The following CASK variants were observed in gnomAD, a reference collection of about 807,000 sequenced individuals.
CASK encodes peripheral plasma membrane protein CASK.
In CASK, 4 loss-of-function variants were observed where a neutral mutation model predicts 82.9. The ratio of observed to expected loss-of-function variants is 0.05; its 90% CI spans 0.02 to 0.11. The LOEUF (loss-of-function observed/expected upper bound fraction) is 0.11. Among genes scored for constraint, CASK ranks in the 10% least tolerant of loss-of-function variants. The pLI, the probability that CASK is intolerant of heterozygous loss-of-function variation, is 1.00. For synonymous variants in CASK, 259 were observed against 253.5 expected, an observed-to-expected ratio of 1.02 and a Z score of -0.20; for missense variants, 358 against 720.9, an observed-to-expected ratio of 0.50 and a Z score of 5.76.
chrX:41,744,129 C>CAA (rs79706632), intron 4 of CASK, among the ~76,000 whole-genome samples: 2 of 91,867 alleles, frequency 2.2e-5, no homozygotes, highest in African/African-American at 4.0e-5. Flanking sequence ...GCACCCCCCG[C>CAA]AAAAAAAAAA....
chrX:41,833,511 G>T (rs1295868621), intron 2 of CASK, among the ~76,000 whole-genome samples: 1 of 111,054 alleles, frequency 9.0e-6, no homozygotes, highest in Non-Finnish European at 1.9e-5. Context: ...TCTATGAAAA[G>T]GTATAGGGTT....
intron 5 of CASK, among the ~76,000 whole-genome samples, chrX:41,681,354 G>C (rs1321297146): frequency 5.4e-5 from 6 of 111,953 alleles, no homozygotes; most frequent in Non-Finnish European, 7.5e-5. Flanking sequence ...TCAGTCAAGA[G>C]AAATGTGAAC....
intron 3 of CASK, among the ~76,000 whole-genome samples, chrX:41,752,063 A>C (rs763976362): frequency 1.1e-3 from 119 of 106,917 alleles, no homozygotes; most frequent in Non-Finnish European, 2.0e-3. Context: ...CAAAAAAAAA[A>C]ACACAAAAAA....
At chrX:41,554,082 C>T (rs2065132824) in intron 20 of CASK, among the ~76,000 whole-genome samples, 167 bp from the exon 21 acceptor site, 1 of 112,287 alleles carries the variant, frequency 8.9e-6, no homozygotes. Flanking sequence ...CCGCTAGAAA[C>T]AATGTACTAG....
intron 5 of CASK, among the ~76,000 whole-genome samples, chrX:41,733,251 G>C (rs2068436072): frequency 9.1e-6 from 1 of 109,379 alleles, no homozygotes; most frequent in Admixed American, 9.8e-5. Context: ...TAAAACCAAG[G>C]AGTTGATTTC....
rs1035083972 is a variant in CASK at position 41,557,840 on chromosome X, C to T, written c.1738-740G>A. 2.0e-4 allele frequency among the ~76,000 whole-genome samples: 22 copies of T among 111,478 alleles called. 1 individual carries two copies. The highest frequency in any genetic ancestry group is 3.8e-4 in the Admixed American group (4 of 10,421). On this transcript the variant is annotated intron_variant, in intron 18 of 26. Coordinates refer to ENST00000378163, the MANE Select transcript of CASK (RefSeq NM_001367721.1). ...TTCCAGGCTCCATTCCCTTAGTGTCCAAATCAACTTTAACGATAAGAACAA... is the reference window on the plus strand; with the variant it reads ...TTCCAGGCTCCATTCCCTTAGTGTCTAAATCAACTTTAACGATAAGAACAA...
chrX:41,787,153 T>C (rs1322277384), intron 3 of CASK, 25 bp downstream of exon 3: 1 of 913,769 alleles, frequency 1.1e-6, no homozygotes, highest in East Asian at 3.1e-5. Context: ...AGTTTTACCC[T>C]TTAAGAATTA....
chrX:41,773,374 CAAA>C (rs552195137), intron 3 of CASK, among the ~76,000 whole-genome samples: 2 of 48,218 alleles, frequency 4.1e-5, no homozygotes, highest in Non-Finnish European at 3.8e-5. Context: ...GACCCTGTCT[CAAA>C]AAAAAAAAAA....
At position 41,724,688 on chromosome X, in the gene CASK, G is replaced by T. The variant is rs1454161654; in HGVS notation, c.429+14696C>A. Reference sequence around the variant, plus strand: ...ATGTACATAGTAGATACAAGTTTGGGAAGGTAAAGATGGTGACCTAGTTGT... The same window carrying T: ...ATGTACATAGTAGATACAAGTTTGGTAAGGTAAAGATGGTGACCTAGTTGT... On this transcript the variant is annotated intron_variant, in intron 5 of 26. Coordinates refer to ENST00000378163, the MANE Select transcript of CASK (RefSeq NM_001367721.1). Among the ~76,000 whole-genome samples, 4 of 111,770 alleles carry T rather than the reference G, an allele frequency of 3.6e-5. No individual in the cohort carries two copies. In the Admixed American group the frequency reaches 3.8e-4, roughly 11 times the overall value.
chrX:41,537,748 G>A (rs2147101650), intron 22 of CASK, among the ~76,000 whole-genome samples: 1 of 109,289 alleles, frequency 9.2e-6, no homozygotes, highest in South Asian at 3.9e-4. Flanking sequence ...TGTAGACGTG[G>A]AAGCCTTTTG....
intron 12 of CASK, among the ~76,000 whole-genome samples, chrX:41,607,773 A>G (rs751714352): frequency 1.8e-5 from 2 of 111,730 alleles, no homozygotes; most frequent in Non-Finnish European, 3.8e-5. Flanking sequence ...TTTGCTGGCT[A>G]GGTACAAAGG....
chrX:41,529,411 C>T (rs768286501), intron 25 of CASK: 5 of 174,161 alleles, frequency 2.9e-5, no homozygotes, highest in South Asian at 8.8e-5. Context: ...GCAGCAGTGG[C>T]GGTGGCGGCG....
chrX:41,702,287 A>G (rs1206600771), intron 5 of CASK, among the ~76,000 whole-genome samples: 1 of 110,730 alleles, frequency 9.0e-6, no homozygotes, highest in African/African-American at 3.3e-5. Context: ...CGGGAGGCTG[A>G]GGCAGGAGAA....
intron 2 of CASK, among the ~76,000 whole-genome samples, chrX:41,825,113 G>C (rs901361278): frequency 5.7e-4 from 64 of 111,600 alleles, no homozygotes; most frequent in Non-Finnish European, 2.6e-4. Context: ...ATAAATGCTT[G>C]AGGGAACAGA....
At chrX:41,753,086 A>G (rs1465034380) in intron 3 of CASK, among the ~76,000 whole-genome samples, 1 of 112,118 alleles carries the variant, frequency 8.9e-6, no homozygotes, top group East Asian at 2.8e-4. Context: ...GATGTTATAG[A>G]CATATATTTA....
intron 1 of CASK, among the ~76,000 whole-genome samples, chrX:41,888,837 A>ATG (rs1206687914): frequency 9.3e-6 from 1 of 107,100 alleles, no homozygotes; most frequent in East Asian, 2.9e-4. Context: ...ATGTATATAT[A>ATG]TGTGTGTGTG....
chrX:41,647,218 C>G (rs941474980), intron 8 of CASK, among the ~76,000 whole-genome samples: 1 of 112,558 alleles, frequency 8.9e-6, no homozygotes, highest in African/African-American at 3.2e-5. Flanking sequence ...CATCGCATTG[C>G]AAATGCAGTG....
intron 5 of CASK, chrX:41,697,007 T>G: frequency 3.5e-6 from 1 of 282,038 alleles, no homozygotes; most frequent in African/African-American, 2.7e-5. Flanking sequence ...TAACATAGAT[T>G]ATGAAGTTAA....
intron 15 of CASK, among the ~76,000 whole-genome samples, chrX:41,575,232 T>G (rs2065469354): frequency 8.9e-6 from 1 of 111,957 alleles, no homozygotes; most frequent in Admixed American, 9.5e-5. Flanking sequence ...AAAAAGGGTC[T>G]CCCATGGCCA....
Sources: gnomAD v4.1 joint callset for allele counts (sites outside exome capture counted in the v4.1 genomes callset) on GRCh38, gnomAD v4.1.1 for gene constraint, MANE v1.5 for transcripts, NCBI Gene and HGNC (gene_info 2026-07-23, HGNC 2026-07-21) for gene names.